The following INPP5D variants were observed in gnomAD, a reference collection of about 807,000 sequenced individuals.
The protein encoded by INPP5D is inositol polyphosphate-5-phosphatase D, also known as phosphatidylinositol 3,4,5-trisphosphate 5-phosphatase 1.
In INPP5D, 33 loss-of-function variants were observed where a neutral mutation model predicts 122.9. That is an observed-to-expected ratio of 0.27 (90% confidence interval 0.20 to 0.36). The LOEUF (loss-of-function observed/expected upper bound fraction) is 0.36, where lower values mean the gene tolerates loss of function less well. Ranked by LOEUF, INPP5D falls within the 10% of genes least tolerant of loss-of-function variation. INPP5D has a pLI of 1.00. For synonymous variants in INPP5D, 584 were observed against 576.2 expected (o/e 1.01, Z -0.19); for missense variants, 1,053 against 1,412.7 (o/e 0.75, Z 4.08).
At chr2:233,162,806 G>C (rs150258645) in intron 11 of INPP5D, among the ~76,000 whole-genome samples, 256 of 152,296 alleles carry the variant, frequency 1.7e-3, no homozygotes, top group African/African-American at 5.6e-3. Context: ...AGTAGAGCCC[G>C]GGCCAGTGCC....
At chr2:233,130,078 T>C (rs1262124743) in intron 4 of INPP5D, among the ~76,000 whole-genome samples, 3 of 152,208 alleles carry the variant, frequency 2.0e-5, no homozygotes, top group African/African-American at 7.2e-5. Flanking sequence ...ATTTTTGTAT[T>C]TTTAGTAGAG....
intron 2 of INPP5D, among the ~76,000 whole-genome samples, chr2:233,115,797 T>C (rs1692771475): frequency 6.6e-6 from 1 of 152,168 alleles, no homozygotes; most frequent in Admixed American, 6.5e-5. Flanking sequence ...CATTATGTCA[T>C]TATGTTTGCA....
At chr2:233,172,290 GC>G (rs1411574164) in intron 17 of INPP5D, among the ~76,000 whole-genome samples, 3 of 152,178 alleles carry the variant, frequency 2.0e-5, no homozygotes, top group African/African-American at 7.2e-5. Flanking sequence ...TGGGAGAGTG[GC>G]CGGTCCTAGA....
intron 2 of INPP5D, among the ~76,000 whole-genome samples, chr2:233,093,954 T>G (rs529632195): frequency 1.3e-5 from 2 of 152,178 alleles, no homozygotes; most frequent in South Asian, 4.2e-4. Context: ...CCGTTTTCCC[T>G]GTGCTTCTCC....
chr2:233,147,511 T>A lies in INPP5D; in HGVS notation c.947T>A (p.Leu316His), dbSNP rs1277801142. Reference sequence around the variant, plus strand: ...CTGGGGATTCCTCAGAAAATGCAGCTCAAAGTCGACGTTGAGTCTGGGAAA... The same window carrying A: ...CTGGGGATTCCTCAGAAAATGCAGCACAAAGTCGACGTTGAGTCTGGGAAA... ...ESLGIPQKMQ[L>H]KVDVESGKLI... Residue 316 changes from leucine to histidine, a missense_variant, in exon 9 of 27, where the codon CTC (leucine) becomes CAC (histidine). Coordinates refer to ENST00000445964, the MANE Select transcript of INPP5D (RefSeq NM_001017915.3). 1.4e-6 allele frequency: 1 copy of A among 704,232 alleles called. No homozygotes were observed. Among genetic ancestry groups the A allele is most frequent in the Non-Finnish European group, 2.6e-6 (1 of 384,988 alleles). 43.6% of individuals were successfully genotyped at this position (704,232 alleles called of 1,614,324 possible).
chr2:233,061,928 A>C (rs999196857), intron 1 of INPP5D, among the ~76,000 whole-genome samples: 1 of 152,242 alleles, frequency 6.6e-6, no homozygotes, highest in Non-Finnish European at 1.5e-5. Context: ...ACTGGAAACC[A>C]AGCCAGGCTC....
chr2:233,163,937 G>A lies in INPP5D; in HGVS notation c.1437+34G>A, dbSNP rs766036750. ...CTGGCTGCACGCTGGGTGGGCTTCCGGGATAGAATCTTTGCTCGGCTGGGC... is the reference window on the plus strand; with the variant it reads ...CTGGCTGCACGCTGGGTGGGCTTCCAGGATAGAATCTTTGCTCGGCTGGGC... On this transcript the variant is annotated intron_variant, in intron 12 of 26. Transcript: ENST00000445964. 2.1e-5 allele frequency: 34 copies of A among 1,606,354 alleles called. 1 individual carries two copies. The highest frequency in any genetic ancestry group is 1.1e-4 in the South Asian group (10 of 90,456).
chr2:233,074,154 T>C (rs1043658710), intron 1 of INPP5D, among the ~76,000 whole-genome samples: 2 of 152,142 alleles, frequency 1.3e-5, no homozygotes, highest in Non-Finnish European at 2.9e-5. Flanking sequence ...TGTTCAGAGA[T>C]GGGAGTGGGT....
At chr2:233,163,597 T>C in intron 11 of INPP5D, 110 bp from the exon 12 acceptor site, 14 of 1,562,214 alleles carry the variant, frequency 9.0e-6, no homozygotes, top group Non-Finnish European at 1.1e-5. Context: ...CTGGATGGTC[T>C]TGTGTAATGA....
chr2:233,194,561 G>C (rs568650227), intron 23 of INPP5D, among the ~76,000 whole-genome samples: 186 of 138,126 alleles, frequency 1.3e-3, no homozygotes, highest in African/African-American at 4.8e-3. Flanking sequence ...GCAGTGGCAC[G>C]ATCTCAGCTC....
At chr2:233,097,197 A>T (rs1442983241) in intron 2 of INPP5D, among the ~76,000 whole-genome samples, 8 of 152,104 alleles carry the variant, frequency 5.3e-5, no homozygotes, top group Non-Finnish European at 1.0e-4. Flanking sequence ...TGTTCCATTG[A>T]TAGATTAATC....
At chr2:233,081,425 T>G (rs1691686103) in intron 2 of INPP5D, among the ~76,000 whole-genome samples, 1 of 152,230 alleles carries the variant, frequency 6.6e-6, no homozygotes, top group East Asian at 1.9e-4. Flanking sequence ...GTTTCTTCTC[T>G]TCCTTCAAAG....
In INPP5D at chr2:233,137,856, ATATATATATATAT is replaced by A. The variant is rs1559313297; in HGVS notation, c.666-1985_666-1973del. On this transcript the variant is annotated intron_variant, in intron 5 of 26. Transcript: ENST00000445964. ...ACAAAAAAAAAAAAAAAAAAAAAAT[ATATATATATATAT>A]ATATATATATATATATATATATATA... Among the ~76,000 whole-genome samples, 36 of 14,366 alleles carry A rather than the reference ATATATATATATAT, an allele frequency of 2.5e-3. 2 individuals are homozygous for A. The highest frequency in any genetic ancestry group is 7.1e-3 in the Admixed American group (5 of 704). The allele number at this position is 14,366 out of a possible 152,430, so 9.4% of individuals were successfully genotyped here.
At chr2:233,115,716 A>C (rs759337682) in intron 2 of INPP5D, among the ~76,000 whole-genome samples, 35 of 152,206 alleles carry the variant, frequency 2.3e-4, no homozygotes, top group Admixed American at 5.2e-4. Context: ...TGGTTCCCTC[A>C]ACACCTTTCT....
intron 5 of INPP5D, among the ~76,000 whole-genome samples, chr2:233,138,178 C>T (rs1054258427): frequency 4.0e-5 from 6 of 150,248 alleles, no homozygotes; most frequent in Admixed American, 2.7e-4. Context: ...GGCGAAGCCC[C>T]GTCTCTACTA....
intron 17 of INPP5D, among the ~76,000 whole-genome samples, chr2:233,173,081 C>T (rs1014081861): frequency 1.3e-5 from 2 of 152,088 alleles, no homozygotes; most frequent in Non-Finnish European, 2.9e-5. Context: ...TGGCGGTACA[C>T]GCCTGTAACC....
In INPP5D at chr2:233,177,459, A is replaced by C; in HGVS notation, c.2071+113A>C. On this transcript the variant is annotated intron_variant, in intron 18 of 26. Transcript: ENST00000445964. The surrounding 1 kb of genome is among the most constrained non-coding windows in gnomAD (Gnocchi z 4.2). ...AGTCTGTTGATGTGTCAAAGGGAGG[A>C]ATTCACTGTAACCCTAATCAGGCGA... The C allele has an allele frequency of 1.9e-6, 3 of 1,558,364 alleles. No homozygotes were observed. The highest frequency in any genetic ancestry group is 1.8e-6 in the Non-Finnish European group (2 of 1,141,056).
intron 22 of INPP5D, among the ~76,000 whole-genome samples, chr2:233,190,760 G>T (rs541538781): frequency 6.6e-6 from 1 of 152,350 alleles, no homozygotes; most frequent in Admixed American, 6.5e-5. Flanking sequence ...GGCAGAGAGA[G>T]CCTGGAGGGG....
chr2:233,103,097 CA>C (rs1435465394), intron 2 of INPP5D, among the ~76,000 whole-genome samples: 3 of 152,186 alleles, frequency 2.0e-5, no homozygotes. Flanking sequence ...TCCCCCTTTT[CA>C]CCAAAGGATC....
Sources: gnomAD v4.1 joint callset for allele counts (sites outside exome capture counted in the v4.1 genomes callset) on GRCh38, gnomAD v4.1.1 for gene constraint, Gnocchi (gnomAD v3.1) non-coding constraint, MANE v1.5 for transcripts, NCBI Gene and HGNC (gene_info 2026-07-23, HGNC 2026-07-21) for gene names.